PRLR: variants seen among roughly 807,000 people sequenced by gnomAD.
PRLR encodes the protein prolactin receptor, also known as hPRL receptor.
Under a neutral mutation model 40.2 loss-of-function variants are expected in PRLR, and 13 were observed. The ratio of observed to expected loss-of-function variants is 0.32; its 90% CI spans 0.21 to 0.51. PRLR has a LOEUF of 0.51. PRLR is among the 20% of genes least tolerant of loss of function. The pLI is 0.97. For missense variants in PRLR, 656 were observed against 747.3 expected, an observed-to-expected ratio of 0.88 and a Z score of 1.42; for synonymous variants, 269 against 278.7, an observed-to-expected ratio of 0.97 and a Z score of 0.35.
chr5:35,154,334 C>T (rs1774425123), intron 1 of PRLR, among the ~76,000 whole-genome samples: 1 of 152,192 alleles, frequency 6.6e-6, no homozygotes, highest in Non-Finnish European at 1.5e-5. Context: ...AATGATCTCT[C>T]AACTATTTTA....
chr5:35,204,412 G>A (rs1441721885), intron 1 of PRLR, among the ~76,000 whole-genome samples: 1 of 152,062 alleles, frequency 6.6e-6, no homozygotes, highest in African/African-American at 2.4e-5. Context: ...TCCTAAGGGA[G>A]CAGGGCTTTG....
chr5:35,071,868 G>A (rs1233938699), intron 6 of PRLR, among the ~76,000 whole-genome samples: 1 of 151,634 alleles, frequency 6.6e-6, no homozygotes, highest in African/African-American at 2.4e-5. Flanking sequence ...CCAAAGTGCT[G>A]GGATTACAAG....
At chr5:35,075,463 A>G (rs570706447) in intron 5 of PRLR, among the ~76,000 whole-genome samples, 4 of 152,288 alleles carry the variant, frequency 2.6e-5, no homozygotes, top group Admixed American at 2.6e-4. Context: ...CTGAGATCAA[A>G]CTGCAAGGTG....
intron 1 of PRLR, among the ~76,000 whole-genome samples, chr5:35,164,035 C>A (rs1774750503): frequency 6.6e-6 from 1 of 152,222 alleles, no homozygotes. Flanking sequence ...CTTATTGAAG[C>A]TGAGGTTTGA....
At chr5:35,162,354 A>AC (rs1388485501) in intron 1 of PRLR, among the ~76,000 whole-genome samples, 8 of 152,220 alleles carry the variant, frequency 5.3e-5, no homozygotes, top group Admixed American at 4.6e-4. Flanking sequence ...GAGTAGCTCA[A>AC]ATTCATAGGG....
chr5:35,206,522 A>T (rs1287959860), intron 1 of PRLR, among the ~76,000 whole-genome samples: 1 of 152,116 alleles, frequency 6.6e-6, no homozygotes, highest in African/African-American at 2.4e-5. Context: ...ATGTTAAATT[A>T]TTCTTACCAA....
At chr5:35,120,202 G>A (rs1048950971) in intron 1 of PRLR, among the ~76,000 whole-genome samples, 36 of 152,024 alleles carry the variant, frequency 2.4e-4, no homozygotes, top group Non-Finnish European at 5.9e-5. Flanking sequence ...TGCTAGCCGT[G>A]GTTGTGTATC....
intron 1 of PRLR, among the ~76,000 whole-genome samples, chr5:35,162,775 G>A (rs993748578): frequency 2.0e-4 from 30 of 152,272 alleles, no homozygotes; most frequent in Admixed American, 1.2e-3. Context: ...CACATGCCTC[G>A]TCCCTGTGTC....
chr5:35,104,780 T>C (rs1772120225), intron 2 of PRLR, among the ~76,000 whole-genome samples: 2 of 149,306 alleles, frequency 1.3e-5, no homozygotes, highest in South Asian at 4.2e-4. Flanking sequence ...CTCTGGATAC[T>C]CCACCACTGG....
chr5:35,070,223 G>C lies in PRLR; in HGVS notation c.586C>G (p.Leu196Val), dbSNP rs370907111. The C allele has an allele frequency of 1.5e-4, 248 of 1,614,008 alleles. 1 individual carries two copies. The highest frequency in any genetic ancestry group is 2.0e-4 in the Non-Finnish European group (232 of 1,180,030). ...ACAAGGTATTTCTGTCCTGGATGTA[G>C]GCTGAGAATCTTAAACTCTGTTTGC... is the stretch of plus-strand genomic sequence containing the variant. ...GQQTEFKILS[L>V]HPGQKYLVQV... The change falls in exon 7 of 10, where the codon CTA becomes GTA. Residue 196 changes from leucine to valine, a missense_variant. By Grantham distance (32) the Leu-to-Val change is conservative. Transcript: ENST00000618457.
rs148887341 is a variant in PRLR, at chr5:35,188,937, G to A, written c.-106+41331C>T. On this transcript the variant is annotated intron_variant, in intron 1 of 9. Transcript: ENST00000618457. ...GTGCCCTCCCACCCCAAATTCATAC[G>A]TTGAAATCCCAACACCCAGGACCTC... is the stretch of plus-strand genomic sequence containing the variant. Among the ~76,000 whole-genome samples the A allele has an allele frequency of 6.8e-3, 1,029 of 152,260 alleles. 15 individuals carry two copies. The highest frequency in any genetic ancestry group is 0.024 in the African/African-American group (983 of 41,550).
At chr5:35,111,153 A>G (rs1772640090) in intron 2 of PRLR, among the ~76,000 whole-genome samples, 1 of 152,248 alleles carries the variant, frequency 6.6e-6, no homozygotes, top group Non-Finnish European at 1.5e-5. Context: ...GCAACTGGTA[A>G]GAATTTTATG....
intron 1 of PRLR, among the ~76,000 whole-genome samples, chr5:35,188,962 C>T (rs1775522082): frequency 1.3e-5 from 2 of 152,118 alleles, no homozygotes; most frequent in African/African-American, 2.4e-5. Flanking sequence ...CCCAGGACCT[C>T]AGAACGTGGT....
intron 1 of PRLR, among the ~76,000 whole-genome samples, chr5:35,138,556 G>C (rs1229995449): frequency 1.3e-5 from 2 of 152,224 alleles, no homozygotes; most frequent in Non-Finnish European, 2.9e-5. Context: ...TCATGTGAAA[G>C]GCACAAGCCA....
intron 1 of PRLR, among the ~76,000 whole-genome samples, chr5:35,154,351 A>G (rs995892457): frequency 2.0e-5 from 3 of 152,210 alleles, no homozygotes; most frequent in Non-Finnish European, 4.4e-5. Context: ...TTTAGTGCCT[A>G]AATACTTTTT....
rs78596434 is a variant in PRLR, at chr5:35,124,690, A to G, written c.-105-6568T>C. On this transcript the variant is annotated intron_variant, in intron 1 of 9. Transcript: ENST00000618457. ...CTAACTCCTATTTTTGGCATTTCTG[A>G]CCTCTCGTTCTTGACAAATAACCAT... is the stretch of plus-strand genomic sequence containing the variant. 2.2e-3 allele frequency among the ~76,000 whole-genome samples: 342 copies of G among 152,146 alleles called. 3 individuals carry two copies. Among genetic ancestry groups the G allele is most frequent in the Middle Eastern group, 6.8e-3 (2 of 292 alleles).
At position 35,168,057 on chromosome 5, in the gene PRLR, G is replaced by A. The variant is rs554221824; in HGVS notation, c.-105-49935C>T. ...CATAACACTAACCTGAAGAAAGTTG[G>A]TAGAGTTATACATAATATCAGATAA... On this transcript the variant is annotated intron_variant, in intron 1 of 9. Transcript: ENST00000618457. Among the ~76,000 whole-genome samples, 4 of 152,008 alleles carry A rather than the reference G, an allele frequency of 2.6e-5. No individual in the cohort carries two copies. The South Asian group carries it at 8.3e-4, about 32-fold the overall frequency.
At chr5:35,106,912 A>G (rs1772295803) in intron 2 of PRLR, among the ~76,000 whole-genome samples, 1 of 152,228 alleles carries the variant, frequency 6.6e-6, no homozygotes, top group Non-Finnish European at 1.5e-5. Flanking sequence ...CCCCAAATCA[A>G]CAGAATATAC....
chr5:35,072,798 G>C, intron 5 of PRLR, 54 bp from the exon 6 acceptor site: 1 of 1,578,192 alleles, frequency 6.3e-7, no homozygotes, highest in Non-Finnish European at 8.6e-7. Flanking sequence ...CTTTTCTTTG[G>C]CTTTACCATT....
Sources: gnomAD v4.1 joint callset for allele counts (sites outside exome capture counted in the v4.1 genomes callset) on GRCh38, gnomAD v4.1.1 for gene constraint, MANE v1.5 for transcripts, NCBI Gene and HGNC (gene_info 2026-07-23, HGNC 2026-07-21) for gene names.